DPP6: variants seen among roughly 807,000 people sequenced by gnomAD.
DPP6 encodes dipeptidyl peptidase like 6.
Under a neutral mutation model 122.6 loss-of-function variants are expected in DPP6, and 69 were observed. The ratio of observed to expected loss-of-function variants is 0.56; its 90% CI spans 0.46 to 0.69. DPP6 has a LOEUF of 0.69. Among genes scored for constraint, DPP6 ranks in the 30% least tolerant of loss-of-function variants. DPP6 has a pLI of 0.00. For missense variants in DPP6, 928 were observed against 1,116.9 expected (o/e 0.83, Z 2.41); for synonymous variants, 418 against 433.1 (o/e 0.97, Z 0.43).
At chr7:153,921,302 A>G (rs1460481957) in intron 1 of DPP6, among the ~76,000 whole-genome samples, 5 of 152,258 alleles carry the variant, frequency 3.3e-5, no homozygotes, top group Non-Finnish European at 5.9e-5. Context: ...ATTGATTGTT[A>G]TCACAGCATA....
At chr7:154,587,716 A>T (rs1449007572) in intron 5 of DPP6, 1 of 1,554,832 alleles carries the variant, frequency 6.4e-7, no homozygotes, top group Admixed American at 2.0e-5. Flanking sequence ...ATTAGCAGTA[A>T]GTCAAGCCTG....
At chr7:154,123,731 G>A (rs1345717714) in intron 1 of DPP6, among the ~76,000 whole-genome samples, 1 of 145,100 alleles carries the variant, frequency 6.9e-6, no homozygotes, top group Non-Finnish European at 1.5e-5. Context: ...CCTGGGGACA[G>A]TTGTGCTGCC....
intron 21 of DPP6, chr7:154,884,223 CTGCTCACACACACACA>C (rs1279629344): frequency 7.6e-6 from 1 of 132,422 alleles, no homozygotes; most frequent in Non-Finnish European, 1.6e-5. Context: ...TTACATGCAC[CTGCTCACACACACACA>C]TGCTCACAAA....
intron 9 of DPP6, among the ~76,000 whole-genome samples, chr7:154,769,809 A>C (rs1286499791): frequency 1.3e-5 from 2 of 152,156 alleles, no homozygotes; most frequent in Non-Finnish European, 2.9e-5. Context: ...ACTCAGCTTC[A>C]CTGAACCAAA....
intron 1 of DPP6, among the ~76,000 whole-genome samples, chr7:154,414,607 T>C (rs1816866905): frequency 6.6e-6 from 1 of 152,222 alleles, no homozygotes; most frequent in Non-Finnish European, 1.5e-5. Context: ...CAGTCATTCC[T>C]CAGAGCTGCG....
At chr7:154,488,802 G>A (rs1353840990) in intron 3 of DPP6, among the ~76,000 whole-genome samples, 2 of 152,072 alleles carry the variant, frequency 1.3e-5, no homozygotes, top group African/African-American at 2.4e-5. Flanking sequence ...TAAATATTTG[G>A]GGTGTGATAT....
rs2150528465 is a variant in DPP6, at chr7:154,833,655, A to T, written c.1667-20125A>T. On this transcript the variant is annotated intron_variant, in intron 16 of 25. Coordinates refer to ENST00000377770, the MANE Select transcript of DPP6 (RefSeq NM_130797.4). This position sits in a 1 kb window ranked among gnomAD's most constrained non-coding sequence, Gnocchi z 4.3. ...GAGGTGGGGGGCTCTGGTCATTTGCACCAATTTCCTGTCATATGGGGAGAA... is the reference window on the plus strand; with the variant it reads ...GAGGTGGGGGGCTCTGGTCATTTGCTCCAATTTCCTGTCATATGGGGAGAA... Among the ~76,000 whole-genome samples the T allele has an allele frequency of 6.6e-6, 1 of 152,096 alleles. No homozygotes were observed. Among genetic ancestry groups the T allele is most frequent in the East Asian group, 1.9e-4 (1 of 5,178 alleles).
intron 7 of DPP6, among the ~76,000 whole-genome samples, chr7:154,700,595 T>G (rs1840462313): frequency 2.0e-5 from 3 of 152,236 alleles, no homozygotes. Flanking sequence ...AAAGGCCATG[T>G]TCCAAAATCA....
chr7:154,433,306 C>T (rs1030310251), intron 1 of DPP6, among the ~76,000 whole-genome samples: 21 of 146,078 alleles, frequency 1.4e-4, no homozygotes, highest in Middle Eastern at 3.2e-3. Flanking sequence ...TGCATGCCAC[C>T]GTGCCTGACT....
chr7:154,707,884 C>G (rs529797455), intron 7 of DPP6, among the ~76,000 whole-genome samples: 48 of 152,262 alleles, frequency 3.2e-4, no homozygotes, highest in African/African-American at 1.1e-3. Flanking sequence ...ATAAAACCAT[C>G]AGATCTCCCA....
chr7:153,837,837 A>ATTTTTTTTTTT, the DPP6 span, among the ~76,000 whole-genome samples: 562 of 80,634 alleles, frequency 7.0e-3, 42 homozygotes, highest in Non-Finnish European at 9.8e-3. Flanking sequence ...TGCCTGGTTA[A>ATTTTTTTTTTT]TTTTTTTTTT....
chr7:154,684,388 A>T (rs7777762), intron 7 of DPP6, among the ~76,000 whole-genome samples: 150,679 of 152,360 alleles, frequency 0.99, 74,529 homozygotes, highest in East Asian at 1. Context: ...GTCCTCAGCC[A>T]CTTTGTGTAG....
intron 1 of DPP6, among the ~76,000 whole-genome samples, chr7:154,115,331 C>T (rs1806903369): frequency 6.6e-6 from 1 of 152,220 alleles, no homozygotes; most frequent in Non-Finnish European, 1.5e-5. Flanking sequence ...TACTTATAGC[C>T]ATTATGAACC....
At chr7:153,833,555 C>T in the DPP6 span, among the ~76,000 whole-genome samples, 205 of 152,150 alleles carry the variant, frequency 1.3e-3, no homozygotes, top group African/African-American at 4.8e-3. Flanking sequence ...CCTGTAATTC[C>T]AGCTACTCAG....
chr7:154,872,243 C>A (rs546513076), intron 18 of DPP6, among the ~76,000 whole-genome samples: 23 of 152,374 alleles, frequency 1.5e-4, no homozygotes, highest in African/African-American at 5.0e-4. Context: ...CCATCCCCAG[C>A]ATCCCCGATC....
At chr7:153,763,967 T>TA in the DPP6 span, among the ~76,000 whole-genome samples, 1 of 152,174 alleles carries the variant, frequency 6.6e-6, no homozygotes, top group Non-Finnish European at 1.5e-5. Flanking sequence ...TCACCTGTGT[T>TA]ATATGGGTAA....
chr7:154,294,440 C>T (rs2150969148), intron 1 of DPP6, among the ~76,000 whole-genome samples: 1 of 152,232 alleles, frequency 6.6e-6, no homozygotes, highest in Non-Finnish European at 1.5e-5. Flanking sequence ...TACACCACTC[C>T]CCAAGGCCAA....
chr7:154,686,996 A>C (rs540773316), intron 7 of DPP6, among the ~76,000 whole-genome samples: 1 of 152,176 alleles, frequency 6.6e-6, no homozygotes, highest in South Asian at 2.1e-4. Flanking sequence ...TTTCCCTGCC[A>C]TTTATGGATC....
intron 1 of DPP6, among the ~76,000 whole-genome samples, chr7:154,136,862 A>G (rs1215201605): frequency 6.6e-6 from 1 of 152,274 alleles, no homozygotes; most frequent in Admixed American, 6.5e-5. Flanking sequence ...TGCAAGTGCA[A>G]TATTGTTCCA....
Sources: allele counts gnomAD v4.1 joint callset (sites outside exome capture counted in the v4.1 genomes callset), GRCh38; gene constraint gnomAD v4.1.1; non-coding constraint Gnocchi (gnomAD v3.1); transcripts MANE v1.5; gene names NCBI Gene and HGNC (gene_info 2026-07-23, HGNC 2026-07-21).